Variants in ESRRG observed in about 807,000 individuals in gnomAD.
ESRRG encodes the protein estrogen related receptor gamma, also known as estrogen-related receptor gamma.
A neutral mutation model predicts 44.0 loss-of-function variants in ESRRG; 13 were observed. The observed-to-expected ratio is 0.30, with a 90% CI of 0.19 to 0.47. The LOEUF (loss-of-function observed/expected upper bound fraction) is 0.47, where lower values mean the gene tolerates loss of function less well. ESRRG is among the 20% of genes least tolerant of loss of function. The pLI is 1.00. For synonymous variants in ESRRG, 215 were observed against 214.6 expected (o/e 1.00, Z -0.02); for missense variants, 395 against 580.6 (o/e 0.68, Z 3.29).
chr1:217,125,597 A>G (rs1256293857), intron 1 of ESRRG, among the ~76,000 whole-genome samples: 1 of 152,182 alleles, frequency 6.6e-6, no homozygotes. Flanking sequence ...TGACAAATTA[A>G]TGAATATTGT....
intron 1 of ESRRG, among the ~76,000 whole-genome samples, chr1:217,127,497 T>C (rs538842840): frequency 8.5e-5 from 13 of 152,340 alleles, no homozygotes; most frequent in African/African-American, 2.9e-4. Context: ...AAGAGAAGTC[T>C]AATGCATAAT....
intron 2 of ESRRG, among the ~76,000 whole-genome samples, chr1:216,814,181 AC>A (rs984585796): frequency 2.0e-5 from 3 of 152,126 alleles, no homozygotes; most frequent in African/African-American, 7.2e-5. Context: ...GAGAAGAAAC[AC>A]CCCTGGACCA....
intron 2 of ESRRG, among the ~76,000 whole-genome samples, chr1:216,662,495 T>A (rs1270808653): frequency 2.0e-5 from 3 of 152,130 alleles, no homozygotes; most frequent in Non-Finnish European, 4.4e-5. Context: ...TGGCATGTAG[T>A]CTGTACCTGA....
chr1:217,125,622 C>G (rs988064437), intron 1 of ESRRG, among the ~76,000 whole-genome samples: 6 of 151,994 alleles, frequency 3.9e-5, no homozygotes, highest in African/African-American at 1.5e-4. Flanking sequence ...AAGTAGGGTC[C>G]CAAAGAACCA....
At chr1:217,065,113 T>C (rs1201285820) in intron 1 of ESRRG, among the ~76,000 whole-genome samples, 3 of 152,228 alleles carry the variant, frequency 2.0e-5, no homozygotes, top group Non-Finnish European at 2.9e-5. Flanking sequence ...ACTAGAAAGA[T>C]AAATAGCCTA....
chr1:217,052,788 A>G (rs758938179), intron 1 of ESRRG, among the ~76,000 whole-genome samples: 24 of 152,176 alleles, frequency 1.6e-4, no homozygotes, highest in Admixed American at 5.2e-4. Context: ...ACAGCAGGGC[A>G]TTCCTTAAGT....
intron 1 of ESRRG, among the ~76,000 whole-genome samples, chr1:217,042,437 A>C: frequency 6.6e-6 from 1 of 151,192 alleles, no homozygotes; most frequent in East Asian, 2.0e-4. Context: ...CTAGGAGGAA[A>C]GTAAAGGAAA....
intron 1 of ESRRG, among the ~76,000 whole-genome samples, chr1:217,038,652 C>T (rs926088731): frequency 6.6e-6 from 1 of 152,166 alleles, no homozygotes; most frequent in East Asian, 1.9e-4. Context: ...TAGGCTCAGG[C>T]CAGGAAGCCA....
chr1:217,002,636 G>A (rs1668135050), intron 1 of ESRRG, among the ~76,000 whole-genome samples: 1 of 152,056 alleles, frequency 6.6e-6, no homozygotes, highest in Admixed American at 6.6e-5. Context: ...AAGTGATGGT[G>A]TGTGACTTTC....
At chr1:216,654,566 C>T (rs1428211793) in intron 2 of ESRRG, among the ~76,000 whole-genome samples, 5 of 149,288 alleles carry the variant, frequency 3.3e-5, no homozygotes, top group Non-Finnish European at 7.4e-5. Context: ...GAGAAGGAGG[C>T]TGCAGTGAGC....
chr1:217,053,503 C>T (rs1032243285), intron 1 of ESRRG, among the ~76,000 whole-genome samples: 5 of 118,412 alleles, frequency 4.2e-5, no homozygotes, highest in African/African-American at 1.4e-4. Context: ...GAAAGAAATG[C>T]CTGCTGTAAT....
intron 1 of ESRRG, among the ~76,000 whole-genome samples, chr1:217,114,392 T>C (rs189779592): frequency 6.6e-6 from 1 of 152,070 alleles, no homozygotes; most frequent in Non-Finnish European, 1.5e-5. Context: ...GCACAGCAAT[T>C]TGGACACGGC....
chr1:216,743,804 G>T (rs1378469579), intron 2 of ESRRG, among the ~76,000 whole-genome samples: 1 of 152,142 alleles, frequency 6.6e-6, no homozygotes, highest in Non-Finnish European at 1.5e-5. Context: ...ACATCATTTA[G>T]TTCATCTGAA....
chr1:217,113,169 T>C (rs540217326), intron 1 of ESRRG, among the ~76,000 whole-genome samples: 5 of 152,268 alleles, frequency 3.3e-5, no homozygotes, highest in East Asian at 3.9e-4. Context: ...AGTAGCTCAG[T>C]TGCAGACATG....
At chr1:216,739,728 C>T (rs540373494) in intron 2 of ESRRG, among the ~76,000 whole-genome samples, 1 of 152,158 alleles carries the variant, frequency 6.6e-6, no homozygotes. Flanking sequence ...AAACCCAGCT[C>T]ACTGCTAACT....
At chr1:217,050,547 G>A (rs2085751779) in intron 1 of ESRRG, among the ~76,000 whole-genome samples, 1 of 152,094 alleles carries the variant, frequency 6.6e-6, no homozygotes, top group Non-Finnish European at 1.5e-5. Flanking sequence ...ACACAGAGAG[G>A]CAGGTGACTG....
chr1:216,875,266 G>T (rs1211840651), intron 2 of ESRRG, among the ~76,000 whole-genome samples: 3 of 152,058 alleles, frequency 2.0e-5, no homozygotes, highest in African/African-American at 7.2e-5. Flanking sequence ...AAAGTGCACA[G>T]ATCTTGCTTT....
chr1:217,010,096 A>G (rs1486064469), intron 1 of ESRRG, among the ~76,000 whole-genome samples: 1 of 152,156 alleles, frequency 6.6e-6, no homozygotes, highest in South Asian at 2.1e-4. Flanking sequence ...GATGGAGTAC[A>G]ATACGAAGAG....
chr1:217,094,676 G>A (rs897245305), intron 1 of ESRRG, among the ~76,000 whole-genome samples: 1 of 152,214 alleles, frequency 6.6e-6, no homozygotes, highest in Non-Finnish European at 1.5e-5. Flanking sequence ...CAAGATGTCA[G>A]GTCCCCTGGC....
Sources: allele counts gnomAD v4.1 joint callset (sites outside exome capture counted in the v4.1 genomes callset), GRCh38; gene constraint gnomAD v4.1.1; transcripts MANE v1.5; gene names NCBI Gene and HGNC (gene_info 2026-07-23, HGNC 2026-07-21).